Variants in ELMO1 observed in about 807,000 individuals in gnomAD.
The protein encoded by ELMO1 is engulfment and cell motility protein 1.
A neutral mutation model predicts 98.9 loss-of-function variants in ELMO1; 26 were observed. The observed-to-expected ratio is 0.26, with a 90% confidence interval of 0.19 to 0.36. The LOEUF (loss-of-function observed/expected upper bound fraction) is 0.36. Among genes scored for constraint, ELMO1 ranks in the 10% least tolerant of loss-of-function variants. ELMO1 has a pLI of 1.00. For missense variants in ELMO1, 627 were observed against 935.2 expected, an observed-to-expected ratio of 0.67 and a Z score of 4.30; for synonymous variants, 346 against 346.0, an observed-to-expected ratio of 1.00 and a Z score of 0.00.
At chr7:37,231,529 T>C (rs1306238579) in intron 8 of ELMO1, among the ~76,000 whole-genome samples, 1 of 152,096 alleles carries the variant, frequency 6.6e-6, no homozygotes, top group East Asian at 1.9e-4. Context: ...ATGAGGGAAA[T>C]ATCAGACAAA....
chr7:37,146,335 T>C (rs1382181071), intron 13 of ELMO1, among the ~76,000 whole-genome samples: 2 of 152,202 alleles, frequency 1.3e-5, no homozygotes, highest in East Asian at 3.8e-4. Context: ...TGCCGATGGC[T>C]TCTGGACCAT....
chr7:36,997,212 T>C (rs563401053), intron 16 of ELMO1, among the ~76,000 whole-genome samples: 9 of 152,298 alleles, frequency 5.9e-5, no homozygotes, highest in African/African-American at 1.9e-4. Flanking sequence ...AAAGTGATTC[T>C]TGAGAGGAAT....
At chr7:37,036,674 C>T (rs775981542) in intron 15 of ELMO1, among the ~76,000 whole-genome samples, 3 of 152,128 alleles carry the variant, frequency 2.0e-5, no homozygotes, top group Non-Finnish European at 2.9e-5. Context: ...CCACCATGCC[C>T]GGCCTAGGAT....
At chr7:36,919,891 A>G (rs1785008942) in intron 16 of ELMO1, among the ~76,000 whole-genome samples, 1 of 152,202 alleles carries the variant, frequency 6.6e-6, no homozygotes, top group Admixed American at 6.5e-5. Context: ...GAACGAATCA[A>G]TGCCTTAATT....
intron 14 of ELMO1, among the ~76,000 whole-genome samples, chr7:37,114,045 T>C (rs1260153780): frequency 6.6e-6 from 1 of 152,176 alleles, no homozygotes; most frequent in African/African-American, 2.4e-5. Context: ...AGGAGTAGGA[T>C]AGAAGGACGT....
intron 2 of ELMO1, among the ~76,000 whole-genome samples, chr7:37,319,919 T>C (rs1182302018): frequency 2.0e-5 from 3 of 152,162 alleles, no homozygotes; most frequent in African/African-American, 7.2e-5. Flanking sequence ...AAATTAGACT[T>C]TCCCCACAAA....
At chr7:37,375,157 A>G (rs1802282921) in intron 1 of ELMO1, among the ~76,000 whole-genome samples, 1 of 152,236 alleles carries the variant, frequency 6.6e-6, no homozygotes, top group South Asian at 2.1e-4. Flanking sequence ...TCCTCTCCCT[A>G]GAAGCAACAC....
At chr7:37,279,511 G>A (rs185588091) in intron 4 of ELMO1, among the ~76,000 whole-genome samples, 7 of 152,282 alleles carry the variant, frequency 4.6e-5, no homozygotes, top group African/African-American at 1.7e-4. Context: ...AATACTGTGA[G>A]TGCCCCAACT....
rs544670387 is a variant in ELMO1, at chr7:37,315,977, A to G, written c.79-17T>C. 1.4e-6 allele frequency: 2 copies of G among 1,432,070 alleles called. No homozygotes were observed. Among genetic ancestry groups the G allele is most frequent in the African/African-American group, 5.9e-5 (2 of 33,714 alleles). 88.7% of individuals were successfully genotyped at this position (1,432,070 alleles called of 1,614,324 possible). ...TGGTTTTTTCTGCAAAATAACAAAA[A>G]AGGAAATACTTGTTAGTTTCGTTTC... On this transcript the variant is annotated splice_polypyrimidine_tract_variant and intron_variant, in intron 2 of 21. Coordinates refer to ENST00000310758, the MANE Select transcript of ELMO1 (RefSeq NM_014800.11).
At chr7:37,071,044 G>A (rs929332323) in intron 15 of ELMO1, among the ~76,000 whole-genome samples, 7 of 152,120 alleles carry the variant, frequency 4.6e-5, no homozygotes, top group Non-Finnish European at 8.8e-5. Context: ...AAACTTTTAG[G>A]AGAACTGAAA....
intron 15 of ELMO1, among the ~76,000 whole-genome samples, chr7:37,065,894 A>G (rs1796934080): frequency 6.6e-6 from 1 of 152,100 alleles, no homozygotes; most frequent in South Asian, 2.1e-4. Context: ...CCCAGATCTC[A>G]CTCTGAGCTG....
intron 16 of ELMO1, among the ~76,000 whole-genome samples, chr7:37,005,035 C>A (rs765474597): frequency 1.5e-5 from 2 of 134,864 alleles, no homozygotes; most frequent in African/African-American, 2.7e-5. Context: ...CTTGAACCAG[C>A]GAGTTGGAGG....
At chr7:36,993,488 C>G (rs920908972) in intron 16 of ELMO1, among the ~76,000 whole-genome samples, 8 of 152,136 alleles carry the variant, frequency 5.3e-5, no homozygotes, top group Non-Finnish European at 1.2e-4. Context: ...AGAGCCAGAT[C>G]GCTTCAAACT....
At chr7:36,869,489 C>T (rs1364865320) in intron 20 of ELMO1, among the ~76,000 whole-genome samples, 1 of 152,170 alleles carries the variant, frequency 6.6e-6, no homozygotes, top group African/African-American at 2.4e-5. Context: ...GATTGTGTAT[C>T]ATTTTGGTGT....
chr7:36,981,657 A>T (rs529373063), intron 16 of ELMO1, among the ~76,000 whole-genome samples: 30 of 152,270 alleles, frequency 2.0e-4, no homozygotes, highest in Admixed American at 1.8e-3. Context: ...GAGCACAGTA[A>T]ATAGCAGGGC....
At position 37,057,921 on chromosome 7, in the gene ELMO1, A is replaced by C. The variant is rs149481835; in HGVS notation, c.1300+38698T>G. Among the ~76,000 whole-genome samples, 290 of 152,370 alleles carry C rather than the reference A, an allele frequency of 1.9e-3. 2 individuals carry two copies. The highest frequency in any genetic ancestry group is 6.3e-3 in the African/African-American group (261 of 41,592). ...TATTGTGTCAGCTAACACCATTTGA[A>C]AATTCTTATACCATTACCACCATTT... On this transcript the variant is annotated intron_variant, in intron 15 of 21. Transcript: ENST00000310758.
chr7:36,992,854 A>T (rs1243170249), intron 16 of ELMO1, among the ~76,000 whole-genome samples: 2 of 152,202 alleles, frequency 1.3e-5, no homozygotes, highest in African/African-American at 2.4e-5. Flanking sequence ...AAATGGTTAG[A>T]CATTTCATGC....
At chr7:36,931,062 A>T (rs1584390863) in intron 16 of ELMO1, among the ~76,000 whole-genome samples, 1 of 152,260 alleles carries the variant, frequency 6.6e-6, no homozygotes, top group East Asian at 1.9e-4. Context: ...ATAATACAGA[A>T]TTTAATAAGA....
At chr7:37,190,235 A>G (rs13438217) in intron 13 of ELMO1, among the ~76,000 whole-genome samples, 6,812 of 152,268 alleles carry the variant, frequency 0.045, 376 homozygotes, top group African/African-American at 0.13. Flanking sequence ...TTTGCTTCAG[A>G]GCAACACGTT....
Sources: allele counts gnomAD v4.1 joint callset (sites outside exome capture counted in the v4.1 genomes callset), GRCh38; gene constraint gnomAD v4.1.1; transcripts MANE v1.5; gene names NCBI Gene and HGNC (gene_info 2026-07-23, HGNC 2026-07-21).